The following POLN variants were observed in gnomAD, a reference collection of about 807,000 sequenced individuals.
The protein encoded by POLN is DNA polymerase N.
In POLN, 108 loss-of-function variants were observed where a neutral mutation model predicts 113.5. The observed-to-expected ratio is 0.95, with a 90% CI of 0.81 to 1.12. POLN has a LOEUF of 1.12. Among genes scored for constraint, POLN ranks in the 50% most tolerant of loss-of-function variants. The probability of loss-of-function intolerance (pLI) is 0.00; values close to 1 mark genes in which losing one functional copy is unlikely to be tolerated. For missense variants in POLN, 1,097 were observed against 1,077.1 expected (o/e 1.02, Z -0.26); for synonymous variants, 386 against 391.5 (o/e 0.99, Z 0.17).
Position 2,229,155 on chromosome 4 carries a change from G to C in POLN, c.77C>G (p.Ser26Cys), listed in dbSNP as rs1027051677. ...PLSSVAQKIM[S>C]AMHSGDLVDS... Reference sequence around the variant, plus strand: ...CACTAAATCACCTGAATGCATAGCAGACATAATCTTCTGAGCAACACTGGA... The same window carrying C: ...CACTAAATCACCTGAATGCATAGCACACATAATCTTCTGAGCAACACTGGA... Residue 26 changes from serine (S) to cysteine (C), a missense_variant, in exon 3 of 26, where the codon TCT becomes TGT. Physicochemically the swap from Ser to Cys is moderately radical, Grantham distance 112. Coordinates refer to ENST00000511885, the MANE Select transcript of POLN (RefSeq NM_181808.4). 2.5e-6 allele frequency: 4 copies of C among 1,610,896 alleles called. No homozygotes were observed. In the Admixed American group the frequency reaches 5.0e-5, roughly 20 times the overall value.
chr4:2,170,297 G>C (rs1320338887), intron 13 of POLN, among the ~76,000 whole-genome samples: 1 of 152,200 alleles, frequency 6.6e-6, no homozygotes, highest in Non-Finnish European at 1.5e-5. Context: ...TTCCTCTCAA[G>C]AGAGGGGTAG....
chr4:2,208,949 T>C (rs1201929784), intron 4 of POLN, among the ~76,000 whole-genome samples: 1 of 151,834 alleles, frequency 6.6e-6, no homozygotes, highest in East Asian at 1.9e-4. Flanking sequence ...GATTGCACCA[T>C]TGCACTCCAG....
intron 3 of POLN, among the ~76,000 whole-genome samples, chr4:2,226,012 C>G (rs28538743): frequency 0.014 from 2,086 of 152,060 alleles, 56 homozygotes; most frequent in African/African-American, 0.047. Context: ...GTAAGTTTAT[C>G]TCTCTCCCAT....
intron 19 of POLN, among the ~76,000 whole-genome samples, chr4:2,120,709 G>A (rs986957825): frequency 2.0e-5 from 3 of 152,090 alleles, no homozygotes; most frequent in African/African-American, 7.2e-5. Context: ...TGGCCATGCT[G>A]GTCTCGAACT....
At chr4:2,092,645 C>T (rs1730696067) in intron 20 of POLN, among the ~76,000 whole-genome samples, 1 of 152,244 alleles carries the variant, frequency 6.6e-6, no homozygotes, top group Admixed American at 6.5e-5. Flanking sequence ...TCATCACAGT[C>T]TTCACAATAG....
At chr4:2,131,168 G>T in intron 17 of POLN, 65 bp downstream of exon 17, 1 of 1,174,766 alleles carries the variant, frequency 8.5e-7, no homozygotes, top group Non-Finnish European at 1.3e-6. Context: ...CTGGGTGACA[G>T]AGTGACACCC....
At chr4:2,183,453 A>C (rs554181275) in intron 7 of POLN, among the ~76,000 whole-genome samples, 1 of 152,380 alleles carries the variant, frequency 6.6e-6, no homozygotes, top group South Asian at 2.1e-4. Context: ...AGCCATAAAA[A>C]GGAATAAAGT....
Position 2,177,636 on chromosome 4 carries a change from C to T in POLN, c.1180-1302G>A, listed in dbSNP as rs145302577. ...TTTGACCCTGGGCAAGGCACATGTA[C>T]GTTAACCTTTCTATACCTCAGTTTT... On this transcript the variant is annotated intron_variant, in intron 8 of 25. Coordinates refer to ENST00000511885, the MANE Select transcript of POLN (RefSeq NM_181808.4). Among the ~76,000 whole-genome samples the T allele has an allele frequency of 1.2e-4, 18 of 152,322 alleles. No homozygotes were observed. In the East Asian group the frequency reaches 2.5e-3, roughly 21 times the overall value.
chr4:2,161,232 C>T lies in POLN; in HGVS notation c.1555-2021G>A, dbSNP rs534780408. 1.5e-3 allele frequency among the ~76,000 whole-genome samples: 228 copies of T among 152,344 alleles called. 1 individual carries two copies. The highest frequency in any genetic ancestry group is 5.3e-3 in the African/African-American group (219 of 41,582). ...GAGCCCCTTTCTGGGCTGGCCAAGG[C>T]GGGAGCCGGCTCCCTCAGCTTGCAG... On this transcript the variant is annotated intron_variant, in intron 13 of 25. Coordinates refer to ENST00000511885, the MANE Select transcript of POLN (RefSeq NM_181808.4).
chr4:2,167,291 C>T (rs62285182), intron 13 of POLN, among the ~76,000 whole-genome samples: 5,811 of 152,246 alleles, frequency 0.038, 156 homozygotes, highest in Middle Eastern at 0.051. Context: ...ACCATCTTCC[C>T]AGAGTTTGAA....
chr4:2,088,949 TTG>T, intron 20 of POLN: 1 of 979,518 alleles, frequency 1.0e-6, no homozygotes, highest in Non-Finnish European at 1.6e-6. Context: ...AGCAACGGCC[TTG>T]GTCCGAGACA....
At chr4:2,184,249 T>TA (rs1733218104) in intron 7 of POLN, among the ~76,000 whole-genome samples, 1 of 132,936 alleles carries the variant, frequency 7.5e-6, no homozygotes, top group South Asian at 2.3e-4. Context: ...ACACTAGACT[T>TA]TAAAAAAAAA....
At chr4:2,240,457 T>C (rs2108781285) in intron 2 of POLN, 1 of 1,614,014 alleles carries the variant, frequency 6.2e-7, no homozygotes, top group East Asian at 2.2e-5. Flanking sequence ...TGAAGTTCAT[T>C]ACTGATCTTA....
At chr4:2,099,554 G>T (rs559164463) in intron 19 of POLN, among the ~76,000 whole-genome samples, 184 of 152,334 alleles carry the variant, frequency 1.2e-3, no homozygotes, top group Non-Finnish European at 1.9e-3. Flanking sequence ...GTCCAAGAAA[G>T]TGTCGCCATC....
intron 19 of POLN, among the ~76,000 whole-genome samples, chr4:2,106,036 T>C (rs754638261): frequency 2.0e-5 from 3 of 152,040 alleles, no homozygotes; most frequent in Non-Finnish European, 2.9e-5. Flanking sequence ...TCAGGAAGAG[T>C]TTACTCCGGT....
Position 2,179,479 on chromosome 4 carries a change from G to C in POLN, c.1022-14C>G. 6.2e-7 allele frequency: 1 copy of C among 1,610,508 alleles called. No homozygotes were observed. Among genetic ancestry groups the C allele is most frequent in the Non-Finnish European group, 8.5e-7 (1 of 1,178,702 alleles). ...TAAAATCAGCAACTGAAGAGAAAAA[G>C]GTCATTCAGTCATCCCAAGAAAAAC... On this transcript the variant is annotated splice_polypyrimidine_tract_variant and intron_variant, in intron 7 of 25. Transcript: ENST00000511885.
chr4:2,076,450 G>A (rs1242850744), intron 23 of POLN: 1 of 152,368 alleles, frequency 6.6e-6, no homozygotes, highest in Non-Finnish European at 1.5e-5. Context: ...CCTGTGAGGT[G>A]GACACAGGCA....
chr4:2,108,792 A>G (rs1160686064), intron 19 of POLN, among the ~76,000 whole-genome samples: 3 of 151,850 alleles, frequency 2.0e-5, no homozygotes, highest in Admixed American at 6.6e-5. Context: ...GTGGCTGACA[A>G]TCACCCCTTC....
intron 3 of POLN, 153 bp downstream of exon 3, chr4:2,228,946 A>G (rs1734479148): frequency 5.0e-6 from 3 of 595,162 alleles, no homozygotes; most frequent in African/African-American, 1.9e-5. Context: ...CACGAAAGTT[A>G]GCAAGCAGAA....
Sources: allele counts gnomAD v4.1 joint callset (sites outside exome capture counted in the v4.1 genomes callset), GRCh38; gene constraint gnomAD v4.1.1; transcripts MANE v1.5; gene names NCBI Gene and HGNC (gene_info 2026-07-23, HGNC 2026-07-21).